SORCS1: variants seen among roughly 807,000 people sequenced by gnomAD.
The protein encoded by SORCS1 is sortilin related VPS10 domain containing receptor 1.
A neutral mutation model predicts 146.1 loss-of-function variants in SORCS1; 60 were observed. That is an observed-to-expected ratio of 0.41 (90% confidence interval 0.33 to 0.51). The LOEUF is 0.51. Among genes scored for constraint, SORCS1 ranks in the 20% least tolerant of loss-of-function variants. The pLI, the probability that SORCS1 is intolerant of heterozygous loss-of-function variation, is 0.21. For synonymous variants in SORCS1, 637 were observed against 584.0 expected (o/e 1.09, Z -1.31); for missense variants, 1,352 against 1,487.6 (o/e 0.91, Z 1.50).
intron 2 of SORCS1, among the ~76,000 whole-genome samples, chr10:106,844,542 T>A (rs962500131): frequency 1.1e-4 from 17 of 151,842 alleles, no homozygotes; most frequent in Admixed American, 1.1e-3. Context: ...GTCCAGTTTC[T>A]CCAACACCAT....
At chr10:106,649,920 T>G (rs1849736609) in intron 18 of SORCS1, among the ~76,000 whole-genome samples, 1 of 152,214 alleles carries the variant, frequency 6.6e-6, no homozygotes, top group Admixed American at 6.5e-5. Context: ...TTATTATATC[T>G]TTATTTTTAC....
chr10:106,694,439 G>C (rs1853542292), intron 9 of SORCS1, among the ~76,000 whole-genome samples: 1 of 152,022 alleles, frequency 6.6e-6, no homozygotes, highest in African/African-American at 2.4e-5. Context: ...AGTAGAGATG[G>C]TTTCGCCATG....
chr10:106,753,068 A>C (rs1858376878), intron 5 of SORCS1, among the ~76,000 whole-genome samples: 1 of 151,782 alleles, frequency 6.6e-6, no homozygotes, highest in Non-Finnish European at 1.5e-5. Context: ...GAGGCAGAGT[A>C]TCTTGGAAAA....
At chr10:106,929,102 CTT>C (rs1456172833) in intron 2 of SORCS1, among the ~76,000 whole-genome samples, 1 of 152,130 alleles carries the variant, frequency 6.6e-6, no homozygotes, top group East Asian at 1.9e-4. Flanking sequence ...TTCTGTGTCA[CTT>C]TATCTCCATG....
At chr10:106,853,539 G>A (rs1303343903) in intron 2 of SORCS1, among the ~76,000 whole-genome samples, 1 of 151,370 alleles carries the variant, frequency 6.6e-6, no homozygotes, top group Admixed American at 6.6e-5. Flanking sequence ...CTAATTTTCT[G>A]AGGTGGGGGT....
At chr10:107,012,192 G>A (rs1957723426) in intron 1 of SORCS1, among the ~76,000 whole-genome samples, 1 of 152,128 alleles carries the variant, frequency 6.6e-6, no homozygotes, top group Non-Finnish European at 1.5e-5. Flanking sequence ...CATTTTCCAA[G>A]TTGTGGTTTA....
chr10:106,937,895 C>T (rs561404192), intron 2 of SORCS1, among the ~76,000 whole-genome samples: 7 of 148,330 alleles, frequency 4.7e-5, no homozygotes, highest in Admixed American at 4.1e-4. Flanking sequence ...CCTCGGGAGG[C>T]GGAGGTTGCA....
Position 106,579,322 on chromosome 10 carries a change from G to A in SORCS1, c.3371+47C>T, listed in dbSNP as rs375056844. On this transcript the variant is annotated intron_variant, in intron 25 of 25. Coordinates refer to ENST00000263054, the MANE Select transcript of SORCS1 (RefSeq NM_052918.5). Reference sequence around the variant, plus strand: ...CACATGCTTCTGAACCTGTCAGGGAGAAGGAAGAGGTCAGGGGTGGGGGAA... The same window carrying A: ...CACATGCTTCTGAACCTGTCAGGGAAAAGGAAGAGGTCAGGGGTGGGGGAA... The A allele has an allele frequency of 5.8e-4, 944 of 1,613,916 alleles. 2 individuals are homozygous for A. Among genetic ancestry groups the A allele is most frequent in the Non-Finnish European group, 7.7e-4 (914 of 1,179,964 alleles).
intron 9 of SORCS1, among the ~76,000 whole-genome samples, chr10:106,695,483 C>A (rs962417214): frequency 6.6e-6 from 1 of 152,184 alleles, no homozygotes; most frequent in Non-Finnish European, 1.5e-5. Context: ...TGAGAGTTTG[C>A]ACACTCTAGG....
At chr10:106,676,692 T>C (rs1001435810) in intron 13 of SORCS1, among the ~76,000 whole-genome samples, 3 of 152,176 alleles carry the variant, frequency 2.0e-5, no homozygotes, top group Non-Finnish European at 4.4e-5. Context: ...TAGTAGACCT[T>C]GACATTCTGA....
chr10:107,069,158 A>T (rs1326222074), intron 1 of SORCS1, among the ~76,000 whole-genome samples: 1 of 152,140 alleles, frequency 6.6e-6, no homozygotes, highest in Non-Finnish European at 1.5e-5. Context: ...CGTCCAGAGG[A>T]GTGCAGCATC....
At chr10:106,707,901 G>C (rs1371436663) in intron 7 of SORCS1, among the ~76,000 whole-genome samples, 1 of 152,148 alleles carries the variant, frequency 6.6e-6, no homozygotes, top group East Asian at 1.9e-4. Flanking sequence ...GTCAACAAAT[G>C]CGCATGTTCA....
At chr10:106,771,669 C>T (rs1860030478) in intron 4 of SORCS1, among the ~76,000 whole-genome samples, 1 of 152,112 alleles carries the variant, frequency 6.6e-6, no homozygotes, top group African/African-American at 2.4e-5. Flanking sequence ...CACAAGGATT[C>T]ATTGTTTTAA....
chr10:106,717,945 G>T (rs1855496726), intron 6 of SORCS1, among the ~76,000 whole-genome samples: 1 of 152,206 alleles, frequency 6.6e-6, no homozygotes, highest in South Asian at 2.1e-4. Context: ...ACACAGAGCT[G>T]TGGACTTGTT....
Position 106,814,919 on chromosome 10 carries a change from A to G in SORCS1, c.726+14655T>C, listed in dbSNP as rs865924760. 1.2e-4 allele frequency among the ~76,000 whole-genome samples: 18 copies of G among 146,830 alleles called. No individual in the cohort carries two copies. In the East Asian group the frequency reaches 1.3e-3, roughly 11 times the overall value. On this transcript the variant is annotated intron_variant, in intron 3 of 25. Coordinates refer to ENST00000263054, the MANE Select transcript of SORCS1 (RefSeq NM_052918.5). ...GACAGAGCGAGACTCCATCTCAAAAAAAAAAAAAAAAAAAAAGGTGGTCTT... is the reference window on the plus strand; with the variant it reads ...GACAGAGCGAGACTCCATCTCAAAAGAAAAAAAAAAAAAAAAGGTGGTCTT...
chr10:106,660,764 A>C (rs1386273292), intron 17 of SORCS1, among the ~76,000 whole-genome samples: 1 of 151,932 alleles, frequency 6.6e-6, no homozygotes, highest in Non-Finnish European at 1.5e-5. Flanking sequence ...AAAAAAAAAA[A>C]AGTCCCCATT....
At chr10:106,672,746 G>C (rs1851701550) in intron 15 of SORCS1, 122 bp downstream of exon 15, 1 of 741,504 alleles carries the variant, frequency 1.3e-6, no homozygotes, top group Non-Finnish European at 2.3e-6. Flanking sequence ...AAATGTGTAA[G>C]AAAACAGTAG....
chr10:106,860,855 G>GAGGATCC (rs1287616229), intron 2 of SORCS1, among the ~76,000 whole-genome samples: 2 of 152,278 alleles, frequency 1.3e-5, no homozygotes, highest in Admixed American at 1.3e-4. Context: ...TTATTAGAAT[G>GAGGATCC]AGGATCCTTA....
At chr10:106,676,252 A>G (rs148309307) in intron 13 of SORCS1, among the ~76,000 whole-genome samples, 1 of 152,292 alleles carries the variant, frequency 6.6e-6, no homozygotes, top group African/African-American at 2.4e-5. Context: ...CAGTTAAAAG[A>G]GCCTATTGAT....
Sources: gnomAD v4.1 joint callset for allele counts (sites outside exome capture counted in the v4.1 genomes callset) on GRCh38, gnomAD v4.1.1 for gene constraint, MANE v1.5 for transcripts, NCBI Gene and HGNC (gene_info 2026-07-23, HGNC 2026-07-21) for gene names.